Variants in CEP57 observed in about 807,000 individuals in gnomAD.
CEP57 encodes centrosomal protein 57, also known as centrosomal protein of 57 kDa.
A neutral mutation model predicts 68.0 loss-of-function variants in CEP57; 40 were observed. The ratio of observed to expected loss-of-function variants is 0.59; its 90% CI spans 0.46 to 0.77. The LOEUF is 0.77. Ranked by LOEUF, CEP57 falls within the 30% of genes least tolerant of loss-of-function variation. CEP57 has a pLI of 0.00. For missense variants in CEP57, 606 were observed against 580.7 expected, an observed-to-expected ratio of 1.04 and a Z score of -0.45; for synonymous variants, 219 against 198.7, an observed-to-expected ratio of 1.10 and a Z score of -0.86.
chr11:95,817,353 G>A (rs890926740), intron 4 of CEP57, among the ~76,000 whole-genome samples: 9 of 152,084 alleles, frequency 5.9e-5, no homozygotes, highest in South Asian at 2.1e-4. Flanking sequence ...GCGACAGAGC[G>A]AGACTCTATC....
chr11:95,790,089 C>T (rs1860936050), upstream of CEP57: 1 of 158,036 alleles, frequency 6.3e-6, no homozygotes, highest in Non-Finnish European at 1.4e-5. Context: ...CCCTTGCTTT[C>T]TATTGGACTA....
rs372832550 is a variant in CEP57, at chr11:95,831,676, G to A, written c.*420G>A. The A allele has an allele frequency of 5.2e-5, 8 of 152,728 alleles. No homozygotes were observed. The highest frequency in any genetic ancestry group is 1.2e-4 in the Non-Finnish European group (8 of 68,364). 9.5% of individuals were successfully genotyped at this position (152,728 alleles called of 1,614,324 possible). On this transcript the variant is annotated 3_prime_UTR_variant, in exon 11 of 11. Transcript: ENST00000325542. Reference sequence around the variant, plus strand: ...TCTCATTTTTAAATCTCCCTGGCATGAGGTGCCCACTTCCCCTTTCCAAAG... The same window carrying A: ...TCTCATTTTTAAATCTCCCTGGCATAAGGTGCCCACTTCCCCTTTCCAAAG...
Position 95,790,748 on chromosome 11 carries a change from G to A in CEP57, c.45+5G>A, listed in dbSNP as rs1347618392. On this transcript the variant is annotated splice_donor_5th_base_variant and intron_variant, in intron 1 of 10. Coordinates refer to ENST00000325542, the MANE Select transcript of CEP57 (RefSeq NM_014679.5). ...GCTTCTGGTTCTCACTTGTCGGTAA[G>A]AAGCAGTTGGCGCGAGTGGGCCCCA... 3.1e-6 allele frequency: 5 copies of A among 1,613,912 alleles called. No homozygotes were observed. The highest frequency in any genetic ancestry group is 4.2e-6 in the Non-Finnish European group (5 of 1,179,984).
At chr11:95,793,600 G>A (rs1054832347) in intron 1 of CEP57, among the ~76,000 whole-genome samples, 1 of 152,042 alleles carries the variant, frequency 6.6e-6, no homozygotes, top group Admixed American at 6.6e-5. Context: ...CGTATTTTAA[G>A]ATTATAATGT....
intron 1 of CEP57, among the ~76,000 whole-genome samples, chr11:95,796,273 G>T (rs1045873902): frequency 1.3e-5 from 2 of 152,176 alleles, no homozygotes; most frequent in African/African-American, 2.4e-5. Flanking sequence ...AGAACTAAAG[G>T]CTGCAGGAAA....
At chr11:95,812,884 C>T in intron 2 of CEP57, 48 bp from the exon 3 acceptor site, 1 of 1,522,896 alleles carries the variant, frequency 6.6e-7, no homozygotes, top group Non-Finnish European at 9.1e-7. Context: ...AATATACTTT[C>T]TCCGCATATG....
At chr11:95,817,641 T>C in intron 4 of CEP57, 146 bp from the exon 5 acceptor site, 1 of 674,994 alleles carries the variant, frequency 1.5e-6, no homozygotes, top group South Asian at 1.6e-5. Flanking sequence ...AGTCATTTAT[T>C]GATGCCCCCT....
chr11:95,822,058 G>A (rs1406334957), intron 7 of CEP57, 80 bp downstream of exon 7: 7 of 924,788 alleles, frequency 7.6e-6, no homozygotes, highest in Non-Finnish European at 1.1e-5. Context: ...ACTGTGTGGT[G>A]TACTACAACC....
rs570402309 is a variant in CEP57, at chr11:95,808,605, C to G, written c.203-4327C>G. Among the ~76,000 whole-genome samples, 3 of 151,980 alleles carry G rather than the reference C, an allele frequency of 2.0e-5. No individual in the cohort carries two copies. The East Asian group carries it at 5.8e-4, about 29-fold the overall frequency. On this transcript the variant is annotated intron_variant, in intron 2 of 10. Transcript: ENST00000325542. ...ATAAAACGGACTAGATCAAAAGAGA[C>G]AAAGAAGGCCATTACATAATGGTAA...
At chr11:95,822,330 G>A (rs1862552219) in intron 7 of CEP57, 169 bp from the exon 8 acceptor site, 1 of 627,932 alleles carries the variant, frequency 1.6e-6, no homozygotes, top group Admixed American at 2.6e-5. Context: ...CCTAGGCTAG[G>A]ATATATGCTA....
At position 95,831,744 on chromosome 11, in the gene CEP57, T is replaced by C. The variant is rs1863016400; in HGVS notation, c.*488T>C. 6.6e-6 allele frequency: 1 copy of C among 152,324 alleles called. No homozygotes were observed. Among genetic ancestry groups the C allele is most frequent in the Non-Finnish European group, 1.5e-5 (1 of 68,160 alleles). 9.4% of individuals were successfully genotyped at this position (152,324 alleles called of 1,614,324 possible). A position where few individuals can be genotyped will look rare whatever the true frequency, so the allele number is the denominator to read the frequency against. ...TTGTTTCTACTATTGGTGGAGTTTTTCTATATTTAAAAATACATATATATT... is the reference window on the plus strand; with the variant it reads ...TTGTTTCTACTATTGGTGGAGTTTTCCTATATTTAAAAATACATATATATT... On this transcript the variant is annotated 3_prime_UTR_variant, in exon 11 of 11. Coordinates refer to ENST00000325542, the MANE Select transcript of CEP57 (RefSeq NM_014679.5).
chr11:95,826,909 A>G (rs547408194), intron 8 of CEP57: 4 of 152,338 alleles, frequency 2.6e-5, no homozygotes, highest in South Asian at 2.1e-4. Flanking sequence ...CTAGCTAACA[A>G]TAGAAACTAA....
chr11:95,797,465 G>A (rs1458108541), intron 1 of CEP57, among the ~76,000 whole-genome samples: 9 of 152,226 alleles, frequency 5.9e-5, no homozygotes, highest in African/African-American at 1.9e-4. Context: ...ACCATGCCTG[G>A]CTGAAATCTG....
At position 95,821,894 on chromosome 11, in the gene CEP57, T is replaced by G. The variant is rs76411609; in HGVS notation, c.723T>G (p.Asn241Lys). ...AAELQTGLET[N>K]RLIFEDKATP... is the part of the protein sequence containing the mutation. Reference sequence around the variant, plus strand: ...AGTTGCAGACTGGTCTAGAAACAAATAGACTTATCTTTGAAGATAAGGCAA... The same window carrying G: ...AGTTGCAGACTGGTCTAGAAACAAAGAGACTTATCTTTGAAGATAAGGCAA... The change falls in exon 7 of 11, where the codon AAT becomes AAG. Residue 241 changes from asparagine (N) to lysine (K), a missense_variant. By Grantham distance (94) the Asn-to-Lys change is moderately conservative. Coordinates refer to ENST00000325542, the MANE Select transcript of CEP57 (RefSeq NM_014679.5). 17 of 1,611,880 alleles carry G rather than the reference T, an allele frequency of 1.1e-5. No individual in the cohort carries two copies. Among genetic ancestry groups the G allele is most frequent in the Non-Finnish European group, 1.4e-5 (17 of 1,179,234 alleles).
chr11:95,818,689 A>G, intron 5 of CEP57, 138 bp from the exon 6 acceptor site: 1 of 672,844 alleles, frequency 1.5e-6, no homozygotes, highest in Middle Eastern at 3.5e-4. Context: ...CATCCAGCTC[A>G]CAGCCTCCAT....
At chr11:95,798,346 T>A (rs1861433381) in intron 1 of CEP57, among the ~76,000 whole-genome samples, 1 of 152,268 alleles carries the variant, frequency 6.6e-6, no homozygotes, top group African/African-American at 2.4e-5. Context: ...ATAGCCTTTG[T>A]TTCAGGAGAT....
At chr11:95,805,935 A>G (rs909217426) in intron 2 of CEP57, among the ~76,000 whole-genome samples, 3 of 152,200 alleles carry the variant, frequency 2.0e-5, no homozygotes, top group Non-Finnish European at 4.4e-5. Flanking sequence ...AAATGTAAAC[A>G]TATGAAACTG....
In CEP57 at chr11:95,829,170, T is replaced by C. The variant is rs200084314; in HGVS notation, c.1128-17T>C. The stretch of plus-strand genomic sequence containing the variant: ...CACAGAAAACTTAACCATGTTCTAC[T>C]TCTGCTTTGTATATAGTGATCACCA... On this transcript the variant is annotated splice_polypyrimidine_tract_variant and intron_variant, in intron 9 of 10. Transcript: ENST00000325542. The C allele has an allele frequency of 3.7e-6, 6 of 1,613,246 alleles. No individual in the cohort carries two copies. The highest frequency in any genetic ancestry group is 5.1e-6 in the Non-Finnish European group (6 of 1,179,866).
chr11:95,796,216 T>A (rs545569691), intron 1 of CEP57, among the ~76,000 whole-genome samples: 1 of 152,264 alleles, frequency 6.6e-6, no homozygotes, highest in East Asian at 1.9e-4. Flanking sequence ...AAAAAGATGT[T>A]CAATAAATAT....
Sources: gnomAD v4.1 joint callset for allele counts (sites outside exome capture counted in the v4.1 genomes callset) on GRCh38, gnomAD v4.1.1 for gene constraint, MANE v1.5 for transcripts, NCBI Gene and HGNC (gene_info 2026-07-23, HGNC 2026-07-21) for gene names.